The following KIF5C variants were observed in gnomAD, a reference collection of about 807,000 sequenced individuals.
KIF5C encodes the protein kinesin heavy chain isoform 5C.
In KIF5C, 18 loss-of-function variants were observed where a neutral mutation model predicts 125.2. The observed-to-expected ratio is 0.14, with a 90% CI of 0.10 to 0.21. The LOEUF (loss-of-function observed/expected upper bound fraction) is 0.21. Among genes scored for constraint, KIF5C ranks in the 10% least tolerant of loss-of-function variants. The pLI, the probability that KIF5C is intolerant of heterozygous loss-of-function variation, is 1.00. For missense variants in KIF5C, 780 were observed against 1,183.8 expected (o/e 0.66, Z 5.01); for synonymous variants, 405 against 434.0 (o/e 0.93, Z 0.83).
At chr2:148,903,850 G>C (rs1490628216) in intron 1 of KIF5C, among the ~76,000 whole-genome samples, 1 of 152,178 alleles carries the variant, frequency 6.6e-6, no homozygotes, top group African/African-American at 2.4e-5. Context: ...GCAGAGCCCT[G>C]TATGTTCTTG....
At chr2:148,961,298 G>T (rs73965223) in intron 10 of KIF5C, among the ~76,000 whole-genome samples, 1 of 151,916 alleles carries the variant, frequency 6.6e-6, no homozygotes, top group African/African-American at 2.4e-5. Context: ...GGCTGTGATG[G>T]GGGGGGCGGG....
chr2:148,883,115 T>C (rs1458829413), intron 1 of KIF5C, among the ~76,000 whole-genome samples: 1 of 152,238 alleles, frequency 6.6e-6, no homozygotes, highest in African/African-American at 2.4e-5. Context: ...TCTCTTAAAA[T>C]AAATAGCTTC....
chr2:148,973,682 A>G (rs1267477834), intron 12 of KIF5C, among the ~76,000 whole-genome samples, 171 bp downstream of exon 12: 2 of 152,226 alleles, frequency 1.3e-5, no homozygotes, highest in East Asian at 1.9e-4. Context: ...TTCATGTGGA[A>G]TAGAAATGTT....
At chr2:149,002,466 C>T (rs190791225) in intron 21 of KIF5C, among the ~76,000 whole-genome samples, 13 of 152,324 alleles carry the variant, frequency 8.5e-5, no homozygotes, top group Admixed American at 5.9e-4. Context: ...GCATGCTCCT[C>T]CATACACAAG....
chr2:148,905,931 C>A (rs1250007698), intron 1 of KIF5C, among the ~76,000 whole-genome samples: 3 of 152,184 alleles, frequency 2.0e-5, no homozygotes, highest in Non-Finnish European at 4.4e-5. Flanking sequence ...CCCATCAGAT[C>A]TTGTGAGACT....
chr2:148,911,016 T>C (rs905768560), intron 1 of KIF5C, among the ~76,000 whole-genome samples: 22 of 152,168 alleles, frequency 1.4e-4, no homozygotes, highest in Admixed American at 1.4e-3. Context: ...AGACAGGCAG[T>C]AAGCTCTCTT....
At chr2:148,957,894 A>C (rs987700833) in intron 10 of KIF5C, among the ~76,000 whole-genome samples, 4 of 152,070 alleles carry the variant, frequency 2.6e-5, no homozygotes, top group African/African-American at 9.7e-5. Flanking sequence ...GGTAATTGTC[A>C]CCCTAACTTC....
Position 149,006,540 on chromosome 2 carries a change from A to C in KIF5C, c.2445+1076A>C, listed in dbSNP as rs1682015203. Among the ~76,000 whole-genome samples, 2 of 152,214 alleles carry C rather than the reference A, an allele frequency of 1.3e-5. 1 individual carries two copies. The highest frequency in any genetic ancestry group is 4.1e-4 in the South Asian group (2 of 4,830). ...AGACTAGACATGGTTCAGGCTGCCA[A>C]GGTAGGGGATGTGCTATGGAAGAGT... On this transcript the variant is annotated intron_variant, in intron 22 of 25. Coordinates refer to ENST00000435030, the MANE Select transcript of KIF5C (RefSeq NM_004522.3).
At chr2:148,982,431 G>A (rs894873446) in intron 14 of KIF5C, among the ~76,000 whole-genome samples, 6 of 152,230 alleles carry the variant, frequency 3.9e-5, no homozygotes, top group African/African-American at 1.4e-4. Flanking sequence ...TCCTGGGCTT[G>A]TGCCCAGCCT....
intron 1 of KIF5C, among the ~76,000 whole-genome samples, chr2:148,891,471 A>G (rs1209189051): frequency 6.6e-6 from 1 of 152,038 alleles, no homozygotes; most frequent in African/African-American, 2.4e-5. Flanking sequence ...CACTATAAAT[A>G]TCAATTAGTC....
chr2:149,021,209 C>T lies in KIF5C; in HGVS notation c.*8-1869C>T, dbSNP rs1682524934. ...TCCCAAGTAGCTGGGACTACACATACAAGCCACCATGCCGGGCTAATTTTT... is the reference window on the plus strand; with the variant it reads ...TCCCAAGTAGCTGGGACTACACATATAAGCCACCATGCCGGGCTAATTTTT... On this transcript the variant is annotated intron_variant, in intron 25 of 25. Transcript: ENST00000435030. Among the ~76,000 whole-genome samples, 3 of 152,126 alleles carry T rather than the reference C, an allele frequency of 2.0e-5. 1 individual carries two copies. The South Asian group carries it at 6.2e-4, about 32-fold the overall frequency.
At chr2:149,019,186 C>G (rs897898356) in intron 25 of KIF5C, among the ~76,000 whole-genome samples, 1 of 152,054 alleles carries the variant, frequency 6.6e-6, no homozygotes, top group African/African-American at 2.4e-5. Flanking sequence ...TCACACCAGA[C>G]AAGATTCTTG....
At chr2:148,934,099 CAT>C (rs1682235084) in intron 3 of KIF5C, among the ~76,000 whole-genome samples, 1 of 151,090 alleles carries the variant, frequency 6.6e-6, no homozygotes, top group Admixed American at 6.6e-5. Context: ...ATATCACACA[CAT>C]ACAGACACAC....
chr2:148,958,965 CAGAGTG>C (rs1435368457), intron 10 of KIF5C, among the ~76,000 whole-genome samples: 2 of 151,718 alleles, frequency 1.3e-5, no homozygotes, highest in East Asian at 3.9e-4. Flanking sequence ...GCCTGGGCAA[CAGAGTG>C]AGACTCTGTC....
rs1003718220 is a variant in KIF5C, at chr2:149,008,746, C to T, written c.2550+679C>T. On this transcript the variant is annotated intron_variant, in intron 23 of 25. Transcript: ENST00000435030. The stretch of plus-strand genomic sequence containing the variant: ...TTTAGGAATTGGGATATGATGGAAA[C>T]GGCCCAAGTTTTTAGACCACATGGC... Among the ~76,000 whole-genome samples the T allele has an allele frequency of 8.5e-5, 13 of 152,090 alleles. No individual in the cohort carries two copies. The East Asian group carries it at 1.9e-3, about 23-fold the overall frequency.
rs1015969319 is a variant in KIF5C, at chr2:149,026,624, C to T, written c.*3554C>T. On this transcript the variant is annotated 3_prime_UTR_variant, in exon 26 of 26. Transcript: ENST00000435030. The stretch of plus-strand genomic sequence containing the variant: ...TCCATGTAACAAAAGATCTGGAAGT[C>T]ACCCTCCTCTGGCCCACGGAAAATT... The T allele has an allele frequency of 2.0e-5, 3 of 152,594 alleles. No homozygotes were observed. Among genetic ancestry groups the T allele is most frequent in the African/African-American group, 7.2e-5 (3 of 41,428 alleles). The allele number at this position is 152,594 out of a possible 1,614,324, so 9.5% of individuals were successfully genotyped here.
chr2:148,994,959 C>T (rs1158921745), intron 17 of KIF5C, among the ~76,000 whole-genome samples: 1 of 151,992 alleles, frequency 6.6e-6, no homozygotes, highest in East Asian at 1.9e-4. Context: ...CCTCAGCCTC[C>T]CAAAAGTACA....
rs932776328 is a variant in KIF5C, at chr2:149,023,883, C to T, written c.*813C>T. 1 of 152,140 alleles carries T rather than the reference C, an allele frequency of 6.6e-6. No individual in the cohort carries two copies. The highest frequency in any genetic ancestry group is 2.4e-5 in the African/African-American group (1 of 41,412). 9.4% of individuals were successfully genotyped at this position (152,140 alleles called of 1,614,324 possible). On this transcript the variant is annotated 3_prime_UTR_variant, in exon 26 of 26. Coordinates refer to ENST00000435030, the MANE Select transcript of KIF5C (RefSeq NM_004522.3). ...TTGGATAAGTGGAAATGTGGCTGCCCCTCTCCTCACTACTTCCTCTCTGAT... is the reference window on the plus strand; with the variant it reads ...TTGGATAAGTGGAAATGTGGCTGCCTCTCTCCTCACTACTTCCTCTCTGAT...
intron 1 of KIF5C, among the ~76,000 whole-genome samples, chr2:148,912,700 C>A (rs754388932): frequency 6.6e-6 from 1 of 152,232 alleles, no homozygotes; most frequent in East Asian, 1.9e-4. Context: ...CTTCCCACTA[C>A]GGGCTCCCAA....
Sources: allele counts gnomAD v4.1 joint callset (sites outside exome capture counted in the v4.1 genomes callset), GRCh38; gene constraint gnomAD v4.1.1; transcripts MANE v1.5; gene names NCBI Gene and HGNC (gene_info 2026-07-23, HGNC 2026-07-21).